The following PLCZ1 variants were observed in gnomAD, a reference collection of about 807,000 sequenced individuals.
The protein encoded by PLCZ1 is 1-phosphatidylinositol 4,5-bisphosphate phosphodiesterase zeta-1.
In PLCZ1, 64 loss-of-function variants were observed where a neutral mutation model predicts 76.8. That is an observed-to-expected ratio of 0.83 (90% confidence interval 0.68 to 1.03). The LOEUF (loss-of-function observed/expected upper bound fraction) is 1.03. Among genes scored for constraint, PLCZ1 ranks in the 50% least tolerant of loss-of-function variants. The pLI is 0.00. For missense variants in PLCZ1, 751 were observed against 713.7 expected (o/e 1.05, Z -0.60); for synonymous variants, 248 against 230.8 (o/e 1.07, Z -0.68).
At chr12:18,665,808 A>G in the PLCZ1 span, among the ~76,000 whole-genome samples, 80,641 of 151,534 alleles carry the variant, frequency 0.53, 22,483 homozygotes, top group South Asian at 0.67. Flanking sequence ...AGTGGTGCGC[A>G]CCTGTAGTCC....
chr12:18,671,862 C>T, the PLCZ1 span, among the ~76,000 whole-genome samples: 2 of 152,098 alleles, frequency 1.3e-5, no homozygotes, highest in Non-Finnish European at 2.9e-5. Flanking sequence ...AAGATCAAGG[C>T]GCCTGCAGAT....
chr12:18,732,257 T>C (rs1421237144), intron 3 of PLCZ1, among the ~76,000 whole-genome samples: 1 of 152,102 alleles, frequency 6.6e-6, no homozygotes, highest in Non-Finnish European at 1.5e-5. Context: ...GCTCAAAGGA[T>C]CCTTCCACCT....
chr12:18,729,193 C>G (rs1401376798), intron 3 of PLCZ1, among the ~76,000 whole-genome samples: 1 of 152,006 alleles, frequency 6.6e-6, no homozygotes, highest in African/African-American at 2.4e-5. Flanking sequence ...GCAACTCTTT[C>G]TTACCACTTC....
rs1404068759 is a variant in PLCZ1 at position 18,695,088 on chromosome 12, A to G, written c.1292-9T>C. On this transcript the variant is annotated splice_polypyrimidine_tract_variant and intron_variant, in intron 11 of 14. Transcript: ENST00000266505. ...CTGGAAATTTAAAGCCACTGTAAGA[A>G]AGAAGTATTTTGACATTGTCAGGTA... 6.2e-7 allele frequency: 1 copy of G among 1,610,796 alleles called. No homozygotes were observed. Among genetic ancestry groups the G allele is most frequent in the African/African-American group, 1.3e-5 (1 of 74,906 alleles).
intron 12 of PLCZ1, chr12:18,692,847 A>G (rs1439706634): frequency 8.8e-6 from 14 of 1,594,990 alleles, no homozygotes; most frequent in Non-Finnish European, 1.2e-5. Context: ...CAAGAAAAAG[A>G]AATATGAACC....
At chr12:18,710,779 A>G (rs1194566434) in intron 6 of PLCZ1, among the ~76,000 whole-genome samples, 1 of 152,192 alleles carries the variant, frequency 6.6e-6, no homozygotes, top group African/African-American at 2.4e-5. Context: ...AAACACATGA[A>G]AAAATGCTCA....
the PLCZ1 span, among the ~76,000 whole-genome samples, chr12:18,646,589 C>G: frequency 5.3e-5 from 8 of 152,194 alleles, no homozygotes; most frequent in Admixed American, 1.3e-4. Flanking sequence ...GGGAGGCCAC[C>G]CAGTGAACTC....
chr12:18,654,794 T>C, the PLCZ1 span, among the ~76,000 whole-genome samples: 1 of 152,146 alleles, frequency 6.6e-6, no homozygotes, highest in Admixed American at 6.6e-5. Flanking sequence ...GAACAAGGGA[T>C]AAGTGACAAA....
chr12:18,670,508 C>G, the PLCZ1 span, among the ~76,000 whole-genome samples: 1 of 152,176 alleles, frequency 6.6e-6, no homozygotes, highest in African/African-American at 2.4e-5. Flanking sequence ...CAACACAGTT[C>G]TTAACCTCTT....
the PLCZ1 span, among the ~76,000 whole-genome samples, chr12:18,655,064 T>A: frequency 3.0e-5 from 4 of 134,106 alleles, no homozygotes; most frequent in Non-Finnish European, 6.6e-5. Flanking sequence ...TAAAAAAAAA[T>A]ACCAGAGGCT....
At position 18,694,184 on chromosome 12, in the gene PLCZ1, T is replaced by C. The variant is rs531490227; in HGVS notation, c.1461+726A>G. 2.1e-5 allele frequency: 14 copies of C among 652,718 alleles called. No individual in the cohort carries two copies. The African/African-American group carries it at 2.4e-4, about 11-fold the overall frequency. The allele number at this position is 652,718 out of a possible 1,614,324, so 40.4% of individuals were successfully genotyped here. ...AGGCTGGGGGAGTTGCCCAGAGGAATCTCTGTTCCCATTGATTTTTATTAG... is the reference window on the plus strand; with the variant it reads ...AGGCTGGGGGAGTTGCCCAGAGGAACCTCTGTTCCCATTGATTTTTATTAG... On this transcript the variant is annotated intron_variant, in intron 12 of 14. Transcript: ENST00000266505.
At chr12:18,654,818 G>A in the PLCZ1 span, among the ~76,000 whole-genome samples, 1 of 152,092 alleles carries the variant, frequency 6.6e-6, no homozygotes, top group African/African-American at 2.4e-5. Flanking sequence ...CGAACTCACC[G>A]ACTTCATCTC....
At chr12:18,662,211 A>G in the PLCZ1 span, among the ~76,000 whole-genome samples, 1 of 152,100 alleles carries the variant, frequency 6.6e-6, no homozygotes, top group Non-Finnish European at 1.5e-5. Flanking sequence ...TAGCATAGGC[A>G]CTATGCTCAT....
chr12:18,663,235 C>A, the PLCZ1 span, among the ~76,000 whole-genome samples: 2 of 151,750 alleles, frequency 1.3e-5, no homozygotes, highest in African/African-American at 2.4e-5. Flanking sequence ...AGCAGTTAGG[C>A]AAGAAAAGGA....
At chr12:18,701,391 T>G (rs1955895005) in intron 9 of PLCZ1, 110 bp downstream of exon 9, 2 of 1,554,516 alleles carry the variant, frequency 1.3e-6, no homozygotes, top group South Asian at 2.4e-5. Context: ...TAGACTAGAG[T>G]TTTTATAAGA....
chr12:18,669,718 T>C, the PLCZ1 span, among the ~76,000 whole-genome samples: 1 of 152,062 alleles, frequency 6.6e-6, no homozygotes, highest in Non-Finnish European at 1.5e-5. Context: ...AGTCCAGAGA[T>C]GTAATTTCAG....
At chr12:18,646,731 T>TC in the PLCZ1 span, among the ~76,000 whole-genome samples, 1 of 152,128 alleles carries the variant, frequency 6.6e-6, no homozygotes, top group African/African-American at 2.4e-5. Context: ...CTAAATGTGT[T>TC]CTAAGACATT....
At chr12:18,657,208 A>C in the PLCZ1 span, among the ~76,000 whole-genome samples, 1 of 152,204 alleles carries the variant, frequency 6.6e-6, no homozygotes. Context: ...AAGGAATAAT[A>C]GAGTTGGAAC....
chr12:18,667,224 G>T, the PLCZ1 span, among the ~76,000 whole-genome samples: 2 of 152,136 alleles, frequency 1.3e-5, no homozygotes, highest in African/African-American at 4.8e-5. Context: ...GTTCAAATAC[G>T]TAAGTGAATA....
Sources: allele counts gnomAD v4.1 joint callset (sites outside exome capture counted in the v4.1 genomes callset), GRCh38; gene constraint gnomAD v4.1.1; transcripts MANE v1.5; gene names NCBI Gene and HGNC (gene_info 2026-07-23, HGNC 2026-07-21).